RAPGEF4: variants seen among roughly 807,000 people sequenced by gnomAD.
The protein encoded by RAPGEF4 is RAP guanine-nucleotide-exchange factor (GEF) 4.
Under a neutral mutation model 147.9 loss-of-function variants are expected in RAPGEF4, and 66 were observed. The observed-to-expected ratio is 0.45, with a 90% CI of 0.37 to 0.55. The LOEUF is 0.55. RAPGEF4 is among the 20% of genes least tolerant of loss of function. RAPGEF4 has a pLI of 0.00. For missense variants in RAPGEF4, 1,071 were observed against 1,257.3 expected (o/e 0.85, Z 2.24); for synonymous variants, 419 against 442.7 (o/e 0.95, Z 0.67).
At chr2:172,924,205 G>A (rs1328521975) in intron 6 of RAPGEF4, among the ~76,000 whole-genome samples, 1 of 152,214 alleles carries the variant, frequency 6.6e-6, no homozygotes, top group African/African-American at 2.4e-5. Context: ...CCCTGGGAGG[G>A]CTGAAATGTT....
chr2:172,751,293 G>A (rs79085504), intron 1 of RAPGEF4, among the ~76,000 whole-genome samples: 1,710 of 152,290 alleles, frequency 0.011, 16 homozygotes, highest in South Asian at 0.036. Context: ...AACTGTCAAA[G>A]GCCCTGACCT....
intron 4 of RAPGEF4, among the ~76,000 whole-genome samples, chr2:172,885,586 C>T (rs186591990): frequency 6.6e-5 from 10 of 152,234 alleles, no homozygotes; most frequent in Admixed American, 6.5e-4. Context: ...TCTTATGTGG[C>T]GGCGGCAAGA....
chr2:172,832,256 G>C (rs765706206), intron 4 of RAPGEF4, among the ~76,000 whole-genome samples: 12 of 152,112 alleles, frequency 7.9e-5, no homozygotes, highest in Non-Finnish European at 1.5e-4. Context: ...GTAAGAGGTA[G>C]CATAAAGCTC....
At chr2:172,968,101 T>A (rs975595949) in intron 10 of RAPGEF4, among the ~76,000 whole-genome samples, 1 of 152,220 alleles carries the variant, frequency 6.6e-6, no homozygotes, top group Admixed American at 6.5e-5. Context: ...AGCCCCCGTT[T>A]GATGCAGGGC....
chr2:172,840,335 C>T (rs1575004124), intron 4 of RAPGEF4, among the ~76,000 whole-genome samples: 2 of 152,254 alleles, frequency 1.3e-5, no homozygotes, highest in South Asian at 2.1e-4. Flanking sequence ...TTCTGGAAGG[C>T]GAAGAAGGAG....
At chr2:172,758,476 G>A (rs913168583) in intron 1 of RAPGEF4, among the ~76,000 whole-genome samples, 4 of 152,174 alleles carry the variant, frequency 2.6e-5, no homozygotes, top group Admixed American at 6.5e-5. Context: ...CTGGGGGAAG[G>A]GGGACAATGG....
intron 1 of RAPGEF4, among the ~76,000 whole-genome samples, chr2:172,782,428 G>C (rs1226367505): frequency 1.3e-5 from 2 of 152,136 alleles, no homozygotes; most frequent in East Asian, 3.9e-4. Flanking sequence ...TCTCCCTCTA[G>C]TTACCCAGGA....
chr2:172,781,423 C>T (rs1156680049), intron 1 of RAPGEF4, among the ~76,000 whole-genome samples: 2 of 152,112 alleles, frequency 1.3e-5, no homozygotes, highest in African/African-American at 4.8e-5. Context: ...GAGGGTGGAT[C>T]ATTTGAACCT....
chr2:172,756,679 A>G (rs1228284608), intron 1 of RAPGEF4, among the ~76,000 whole-genome samples: 1 of 152,192 alleles, frequency 6.6e-6, no homozygotes, highest in Non-Finnish European at 1.5e-5. Flanking sequence ...ACAGGATGGT[A>G]GGGCACTGCA....
At chr2:172,994,967 A>G (rs1251914452) in intron 15 of RAPGEF4, among the ~76,000 whole-genome samples, 1 of 152,004 alleles carries the variant, frequency 6.6e-6, no homozygotes, top group Non-Finnish European at 1.5e-5. Flanking sequence ...CTATAGTTTT[A>G]GCTAACAGCT....
At chr2:172,790,645 A>T (rs932415680) in intron 1 of RAPGEF4, among the ~76,000 whole-genome samples, 2 of 152,210 alleles carry the variant, frequency 1.3e-5, no homozygotes, top group Non-Finnish European at 2.9e-5. Context: ...CAAAATGCAT[A>T]TCCAAGCATG....
At chr2:172,898,028 G>A (rs533387754) in intron 4 of RAPGEF4, among the ~76,000 whole-genome samples, 39 of 152,278 alleles carry the variant, frequency 2.6e-4, no homozygotes, top group African/African-American at 9.4e-4. Flanking sequence ...GTTGCAGGCT[G>A]CAGGCTGAGC....
At chr2:172,797,497 T>C (rs1686495896) in intron 2 of RAPGEF4, 28 bp from the exon 3 acceptor site, 1 of 1,576,722 alleles carries the variant, frequency 6.3e-7, no homozygotes, top group African/African-American at 1.3e-5. Flanking sequence ...GTATCTGTTA[T>C]ATTTATATCA....
intron 4 of RAPGEF4, among the ~76,000 whole-genome samples, chr2:172,819,318 A>G (rs1688816014): frequency 6.6e-6 from 1 of 152,174 alleles, no homozygotes; most frequent in Non-Finnish European, 1.5e-5. Flanking sequence ...AAAAATATTA[A>G]CCAGGGTATA....
At chr2:173,048,992 T>C (rs896945741) in intron 30 of RAPGEF4, among the ~76,000 whole-genome samples, 1 of 152,228 alleles carries the variant, frequency 6.6e-6, no homozygotes, top group Non-Finnish European at 1.5e-5. Flanking sequence ...TCTTTATGAC[T>C]CATTGCTCCA....
chr2:172,737,460 A>ATAGT (rs34426407), intron 1 of RAPGEF4, among the ~76,000 whole-genome samples: 1 of 2,810 alleles, frequency 3.6e-4, no homozygotes. Context: ...TTTTTAGATA[A>ATAGT]TAACATATTT....
intron 4 of RAPGEF4, among the ~76,000 whole-genome samples, chr2:172,817,762 A>G (rs545448339): frequency 5.3e-5 from 8 of 152,042 alleles, no homozygotes; most frequent in Admixed American, 5.2e-4. Context: ...AAAATAAGTC[A>G]TTATACAAAA....
At chr2:173,048,380 A>G (rs1685765889) in intron 29 of RAPGEF4, 2 of 1,000,260 alleles carry the variant, frequency 2.0e-6, no homozygotes, top group East Asian at 3.2e-5. Context: ...GAGTTATGCC[A>G]TTAATATTCC....
At chr2:172,846,596 A>C (rs1057223198) in intron 4 of RAPGEF4, among the ~76,000 whole-genome samples, 2 of 152,164 alleles carry the variant, frequency 1.3e-5, no homozygotes, top group Non-Finnish European at 1.5e-5. Context: ...TCCCAGTGGC[A>C]GATCTCAGTT....
Sources: allele counts gnomAD v4.1 joint callset (sites outside exome capture counted in the v4.1 genomes callset), GRCh38; gene constraint gnomAD v4.1.1; transcripts MANE v1.5; gene names NCBI Gene and HGNC (gene_info 2026-07-23, HGNC 2026-07-21).